GRID1: variants seen among roughly 807,000 people sequenced by gnomAD.
GRID1 encodes glutamate receptor ionotropic, delta-1.
In GRID1, 28 loss-of-function variants were observed where a neutral mutation model predicts 98.0. That is an observed-to-expected ratio of 0.29 (90% CI 0.21 to 0.39). GRID1 has a LOEUF of 0.39. GRID1 is among the 10% of genes least tolerant of loss of function. GRID1 has a pLI of 1.00. For missense variants in GRID1, 1,111 were observed against 1,340.5 expected (o/e 0.83, Z 2.67); for synonymous variants, 553 against 538.5 (o/e 1.03, Z -0.37).
rs1842930920 is a variant in GRID1 at position 85,838,411 on chromosome 10, GA to G, written c.1233+16084del. Among the ~76,000 whole-genome samples the G allele has an allele frequency of 1.3e-5, 2 of 151,998 alleles. 1 individual carries two copies. The highest frequency in any genetic ancestry group is 2.9e-5 in the Non-Finnish European group (2 of 67,972). Reference sequence around the variant, plus strand: ...GAAAAAATGTTAAAGGTAGCTAGAGGAACAGACCAGGTCACCAACAAGGGAA... The same window carrying G: ...GAAAAAATGTTAAAGGTAGCTAGAGGACAGACCAGGTCACCAACAAGGGAA... On this transcript the variant is annotated intron_variant, in intron 8 of 15. Coordinates refer to ENST00000327946, the MANE Select transcript of GRID1 (RefSeq NM_017551.3).
At chr10:85,979,622 C>T (rs1842518247) in intron 4 of GRID1, among the ~76,000 whole-genome samples, 1 of 152,212 alleles carries the variant, frequency 6.6e-6, no homozygotes, top group South Asian at 2.1e-4. Context: ...GGATTAGGGT[C>T]CACCCTTATA....
intron 2 of GRID1, among the ~76,000 whole-genome samples, chr10:86,239,363 A>C (rs1589422623): frequency 6.6e-6 from 1 of 152,226 alleles, no homozygotes; most frequent in East Asian, 1.9e-4. Flanking sequence ...GCTCATAGGC[A>C]GAAGGTACTT....
intron 4 of GRID1, among the ~76,000 whole-genome samples, chr10:86,068,513 T>C (rs1313437892): frequency 6.6e-6 from 1 of 152,178 alleles, no homozygotes; most frequent in African/African-American, 2.4e-5. Context: ...TTCCCAATTA[T>C]AAAACATACC....
Position 85,687,866 on chromosome 10 carries a change from AG to A in GRID1, c.1997+35136del, listed in dbSNP as rs1211715744. Among the ~76,000 whole-genome samples the A allele has an allele frequency of 5.3e-5, 8 of 152,276 alleles. No homozygotes were observed. In the East Asian group the frequency reaches 1.4e-3, roughly 26 times the overall value. The stretch of plus-strand genomic sequence containing the variant: ...GAACTGAATGTGTGTTTTGGGGGAG[AG>A]GGGCTAACCTGAAAATAACTGGTTC... On this transcript the variant is annotated intron_variant, in intron 12 of 15. Coordinates refer to ENST00000327946, the MANE Select transcript of GRID1 (RefSeq NM_017551.3).
intron 8 of GRID1, among the ~76,000 whole-genome samples, chr10:85,799,757 A>G (rs1842558888): frequency 6.6e-6 from 1 of 152,038 alleles, no homozygotes; most frequent in Non-Finnish European, 1.5e-5. Flanking sequence ...TATTGGGTAT[A>G]AAATTAGTTA....
chr10:86,017,994 G>A (rs1038863633), intron 4 of GRID1, among the ~76,000 whole-genome samples: 10 of 152,136 alleles, frequency 6.6e-5, no homozygotes, highest in Non-Finnish European at 8.8e-5. Flanking sequence ...CCTGTGCCAC[G>A]TCCCTCCTCC....
At chr10:85,899,327 T>C (rs1841345024) in intron 5 of GRID1, among the ~76,000 whole-genome samples, 1 of 152,210 alleles carries the variant, frequency 6.6e-6, no homozygotes, top group African/African-American at 2.4e-5. Context: ...GATGGACACT[T>C]AGGTTGATTC....
chr10:85,611,997 A>G (rs1051183165), intron 15 of GRID1, among the ~76,000 whole-genome samples: 5 of 152,202 alleles, frequency 3.3e-5, no homozygotes, highest in African/African-American at 9.6e-5. Flanking sequence ...CCAGCTTCAC[A>G]TTCCCTTACA....
intron 8 of GRID1, among the ~76,000 whole-genome samples, chr10:85,760,170 G>C (rs538983855): frequency 1.3e-5 from 2 of 152,314 alleles, no homozygotes; most frequent in Non-Finnish European, 2.9e-5. Flanking sequence ...CAGTCAGACA[G>C]CCCTGCTGAC....
chr10:86,211,299 G>T (rs189023228), intron 2 of GRID1, among the ~76,000 whole-genome samples: 2 of 152,310 alleles, frequency 1.3e-5, no homozygotes, highest in African/African-American at 2.4e-5. Context: ...CAAAGCTGAT[G>T]TCTCTCTTGA....
intron 4 of GRID1, among the ~76,000 whole-genome samples, chr10:86,134,875 C>T (rs1458063831): frequency 1.3e-5 from 2 of 152,222 alleles, no homozygotes; most frequent in Admixed American, 6.5e-5. Context: ...GACTTGGCCA[C>T]ACCTCTGCCA....
chr10:86,149,999 G>C (rs1334743389), intron 3 of GRID1, among the ~76,000 whole-genome samples: 2 of 152,202 alleles, frequency 1.3e-5, no homozygotes, highest in Non-Finnish European at 2.9e-5. Flanking sequence ...ATGATTTTTA[G>C]AATTTTCACA....
In GRID1 at chr10:86,219,650, G is replaced by A. The variant is rs1846225353; in HGVS notation, c.236-13002C>T. On this transcript the variant is annotated intron_variant, in intron 2 of 15. Coordinates refer to ENST00000327946, the MANE Select transcript of GRID1 (RefSeq NM_017551.3). ...AGGGAGAGAGCTGGGGTGAAGCTGG[G>A]GAGGTAGTGGGGGTAAATGGAGCGG... Among the ~76,000 whole-genome samples the A allele has an allele frequency of 2.0e-5, 3 of 152,216 alleles. No individual in the cohort carries two copies. In the South Asian group the frequency reaches 6.2e-4, roughly 31 times the overall value.
chr10:86,275,392 C>G (rs1564726262), intron 2 of GRID1, among the ~76,000 whole-genome samples: 1 of 151,754 alleles, frequency 6.6e-6, no homozygotes, highest in African/African-American at 2.4e-5. Context: ...ATGGCCCATT[C>G]AAAGGAACAA....
At chr10:86,001,333 C>CAA (rs56850339) in intron 4 of GRID1, among the ~76,000 whole-genome samples, 1 of 151,672 alleles carries the variant, frequency 6.6e-6, no homozygotes, top group African/African-American at 2.4e-5. Flanking sequence ...AATAAGCAAA[C>CAA]AAAAAAAAAT....
intron 2 of GRID1, among the ~76,000 whole-genome samples, chr10:86,296,448 G>A (rs566732295): frequency 1.3e-5 from 2 of 152,264 alleles, no homozygotes; most frequent in African/African-American, 2.4e-5. Flanking sequence ...TAAATTAAAA[G>A]TATGATTTTA....
At chr10:85,890,090 T>A (rs1841174887) in intron 5 of GRID1, among the ~76,000 whole-genome samples, 2 of 152,218 alleles carry the variant, frequency 1.3e-5, no homozygotes, top group South Asian at 4.1e-4. Flanking sequence ...TAGTATATTA[T>A]TGTTAGCTAT....
At chr10:85,974,789 G>A (rs1253938088) in intron 4 of GRID1, among the ~76,000 whole-genome samples, 6 of 152,110 alleles carry the variant, frequency 3.9e-5, no homozygotes, top group African/African-American at 1.4e-4. Context: ...ACTATGCCTG[G>A]CTAATTTTTT....
intron 5 of GRID1, among the ~76,000 whole-genome samples, chr10:85,892,755 GT>G (rs1841223414): frequency 6.6e-6 from 1 of 151,930 alleles, no homozygotes; most frequent in South Asian, 2.1e-4. Flanking sequence ...CCCAGATAAC[GT>G]CATTGGTGAA....
Sources: allele counts gnomAD v4.1 joint callset (sites outside exome capture counted in the v4.1 genomes callset), GRCh38; gene constraint gnomAD v4.1.1; transcripts MANE v1.5; gene names NCBI Gene and HGNC (gene_info 2026-07-23, HGNC 2026-07-21).